RSRP1: variants seen among roughly 807,000 people sequenced by gnomAD.
RSRP1 encodes arginine/serine-rich protein 1.
In RSRP1, 37 loss-of-function variants were observed where a neutral mutation model predicts 33.0. The ratio of observed to expected loss-of-function variants is 1.12; its 90% CI spans 0.86 to 1.48. The LOEUF is 1.48. Among genes scored for constraint, RSRP1 ranks in the 40% most tolerant of loss-of-function variants. RSRP1 has a pLI of 0.00. For synonymous variants in RSRP1, 167 were observed against 158.7 expected, an observed-to-expected ratio of 1.05 and a Z score of -0.40; for missense variants, 402 against 385.3, an observed-to-expected ratio of 1.04 and a Z score of -0.36.
At chr1:25,337,039 C>A (rs1412014327) in intron 1 of RSRP1, 1 of 163,778 alleles carries the variant, frequency 6.1e-6, no homozygotes, top group Non-Finnish European at 1.4e-5. Flanking sequence ...AATTGACCCA[C>A]CTTTTTAACT....
At chr1:25,302,581 T>A (rs1354693749) in intron 1 of RSRP1, among the ~76,000 whole-genome samples, 1 of 129,548 alleles carries the variant, frequency 7.7e-6, no homozygotes, top group South Asian at 2.4e-4. Flanking sequence ...GGGTGTCAGA[T>A]AAGAGCAAGG....
rs1641339657 is a variant in RSRP1 at position 25,280,058 on chromosome 1, G to C, written c.-66-33029C>G. ...AGAAGTGGGAGGATGAGGGGGCAGG[G>C]GGAGGAGAAGCCTGAAATCAAATGT... On this transcript the variant is annotated intron_variant, in intron 1 of 1. Coordinates refer to the RSRP1 transcript ENST00000561867. 1.5e-5 allele frequency among the ~76,000 whole-genome samples: 2 copies of C among 129,572 alleles called. 1 individual carries two copies. The highest frequency in any genetic ancestry group is 5.4e-5 in the African/African-American group (2 of 37,128). The allele number at this position is 129,572 out of a possible 152,430, so 85.0% of individuals were successfully genotyped here.
intron 1 of RSRP1, among the ~76,000 whole-genome samples, chr1:25,273,887 G>A (rs1474286432): frequency 6.2e-5 from 8 of 129,268 alleles, no homozygotes; most frequent in African/African-American, 2.1e-4. Flanking sequence ...CATCCTGGGG[G>A]CCATGGCAGT....
At chr1:25,260,836 C>T (rs1376769120) in intron 1 of RSRP1, among the ~76,000 whole-genome samples, 2 of 150,314 alleles carry the variant, frequency 1.3e-5, no homozygotes, top group African/African-American at 4.9e-5. Context: ...CTCGCTCTAT[C>T]GCCCAGGCTG....
At chr1:25,258,506 G>C (rs28621775) in intron 1 of RSRP1, among the ~76,000 whole-genome samples, 2,763 of 152,214 alleles carry the variant, frequency 0.018, 77 homozygotes, top group African/African-American at 0.062. Context: ...GGGAGAAGAA[G>C]ACTTTTTGGA....
intron 1 of RSRP1, among the ~76,000 whole-genome samples, chr1:25,295,844 T>G (rs1571645570): frequency 1.0e-5 from 1 of 100,388 alleles, no homozygotes. Flanking sequence ...GGAGGGAATA[T>G]GGGAAATTTT....
rs368006348 is a variant in RSRP1 at position 25,307,145 on chromosome 1, T to G, written c.-67+30833A>C. On this transcript the variant is annotated intron_variant, in intron 1 of 1. Transcript: ENST00000561867. ...GTCGCCCCATTGTAAATGGAGATAA[T>G]GATACTATCTCCCCTCACAGGACTG... Among the ~76,000 whole-genome samples the G allele has an allele frequency of 1.7e-4, 23 of 132,522 alleles. 4 individuals carry two copies. The highest frequency in any genetic ancestry group is 9.5e-4 in the Admixed American group (13 of 13,674). The allele number at this position is 132,522 out of a possible 152,430, so 86.9% of individuals were successfully genotyped here.
intron 1 of RSRP1, among the ~76,000 whole-genome samples, chr1:25,290,258 C>T (rs1336257132): frequency 7.9e-6 from 1 of 126,250 alleles, no homozygotes; most frequent in African/African-American, 2.7e-5. Flanking sequence ...GTTGAGCATC[C>T]GAATGATGGC....
At chr1:25,259,168 AC>A (rs1640046794) in intron 1 of RSRP1, among the ~76,000 whole-genome samples, 1 of 151,688 alleles carries the variant, frequency 6.6e-6, no homozygotes, top group Admixed American at 6.6e-5. Flanking sequence ...ATCTTGGCTC[AC>A]TGCAACCTCT....
At chr1:25,268,612 T>C (rs568623758) in intron 1 of RSRP1, among the ~76,000 whole-genome samples, 2 of 130,324 alleles carry the variant, frequency 1.5e-5, no homozygotes, top group African/African-American at 2.6e-5. Context: ...GGAACCCTTG[T>C]CAAGGGGAGA....
At chr1:25,244,596 T>C in intron 3 of RSRP1, 1 of 1,271,080 alleles carries the variant, frequency 7.9e-7, no homozygotes, top group Non-Finnish European at 1.0e-6. Context: ...AAACACTCTG[T>C]AAATAGCTTA....
rs181012487 is a variant in RSRP1, at chr1:25,278,289, G to A, written c.-66-31260C>T. Among the ~76,000 whole-genome samples the A allele has an allele frequency of 5.5e-3, 719 of 130,682 alleles. 118 individuals carry two copies. The highest frequency in any genetic ancestry group is 0.039 in the Admixed American group (519 of 13,328). 85.7% of individuals were successfully genotyped at this position (130,682 alleles called of 152,430 possible). On this transcript the variant is annotated intron_variant, in intron 1 of 1. Coordinates refer to the RSRP1 transcript ENST00000561867. ...AGACAGAAGGGGAGGGACAGGTTGT[G>A]AGGATGAATGAACAATGATATGTTC...
intron 1 of RSRP1, among the ~76,000 whole-genome samples, chr1:25,297,233 C>T (rs1349349122): frequency 2.3e-5 from 2 of 87,696 alleles, no homozygotes; most frequent in Non-Finnish European, 5.5e-5. Flanking sequence ...GTCTGCTGTT[C>T]CTCATGATTA....
At chr1:25,331,142 A>C (rs1253936151) in intron 1 of RSRP1, among the ~76,000 whole-genome samples, 1 of 124,996 alleles carries the variant, frequency 8.0e-6, no homozygotes, top group African/African-American at 2.7e-5. Flanking sequence ...TAATTTTTGT[A>C]TTTTTAGTAG....
intron 2 of RSRP1, 85 bp from the exon 3 acceptor site, chr1:25,245,386 G>A (rs1438691635): frequency 1.4e-6 from 2 of 1,443,062 alleles, no homozygotes; most frequent in Non-Finnish European, 1.9e-6. Flanking sequence ...CAATAAATAT[G>A]TTATTTTGTG....
intron 1 of RSRP1, chr1:25,318,000 C>G (rs1222923262): frequency 7.6e-6 from 1 of 131,094 alleles, no homozygotes; most frequent in African/African-American, 2.6e-5. Context: ...AGGGGAGTTG[C>G]TAATTAGCCA....
chr1:25,295,729 A>G (rs1234373185), intron 1 of RSRP1, among the ~76,000 whole-genome samples: 1 of 109,016 alleles, frequency 9.2e-6, no homozygotes, highest in African/African-American at 3.0e-5. Flanking sequence ...TCAGTGACCA[A>G]GAGGCGGCCG....
rs200563434 is a variant in RSRP1, at chr1:25,314,438, TG to T, written c.-67+23539del. On this transcript the variant is annotated intron_variant, in intron 1 of 1. Transcript: ENST00000561867. ...GTGTTCTGTCTTTTTCTTATTGATTTGTAGGAATTCCTTACGTATCCTGGAT... is the reference window on the plus strand; with the variant it reads ...GTGTTCTGTCTTTTTCTTATTGATTTTAGGAATTCCTTACGTATCCTGGAT... Among the ~76,000 whole-genome samples, 27 of 133,172 alleles carry T rather than the reference TG, an allele frequency of 2.0e-4. 7 individuals carry two copies. Among genetic ancestry groups the T allele is most frequent in the African/African-American group, 4.3e-4 (17 of 39,194 alleles). 87.4% of individuals were successfully genotyped at this position (133,172 alleles called of 152,430 possible).
At chr1:25,245,325 T>A in intron 2 of RSRP1, 24 bp from the exon 3 acceptor site, 1 of 1,590,916 alleles carries the variant, frequency 6.3e-7, no homozygotes, top group Non-Finnish European at 8.6e-7. Context: ...AGAGAGATTT[T>A]AAAATACTCA....
Sources: gnomAD v4.1 joint callset for allele counts (sites outside exome capture counted in the v4.1 genomes callset) on GRCh38, gnomAD v4.1.1 for gene constraint, MANE v1.5 for transcripts, NCBI Gene and HGNC (gene_info 2026-07-23, HGNC 2026-07-21) for gene names.